SNTG2: variants seen among roughly 807,000 people sequenced by gnomAD.
SNTG2 encodes syntrophin gamma 2.
SNTG2 carries 74 observed loss-of-function variants against 70.9 expected under a neutral mutation model. The ratio of observed to expected loss-of-function variants is 1.04; its 90% CI spans 0.86 to 1.27. The LOEUF is 1.27. Ranked by LOEUF, SNTG2 falls within the 50% of genes most tolerant of loss-of-function variation. The probability of loss-of-function intolerance (pLI) is 0.00; values close to 1 mark genes in which losing one functional copy is unlikely to be tolerated. For synonymous variants in SNTG2, 278 were observed against 273.8 expected (o/e 1.02, Z -0.15); for missense variants, 717 against 690.7 (o/e 1.04, Z -0.43).
chr2:969,954 G>T (rs1251280918), intron 1 of SNTG2, among the ~76,000 whole-genome samples: 2 of 152,140 alleles, frequency 1.3e-5, no homozygotes, highest in Non-Finnish European at 2.9e-5. Context: ...TTCTCCAGGG[G>T]AACTTCCAGC....
At chr2:1,162,891 T>C (rs1670421988) in intron 6 of SNTG2, among the ~76,000 whole-genome samples, 1 of 152,216 alleles carries the variant, frequency 6.6e-6, no homozygotes. Flanking sequence ...CAGCAGCCTG[T>C]ATGAAGACAG....
At chr2:957,294 G>T (rs537744546) in intron 1 of SNTG2, among the ~76,000 whole-genome samples, 34 of 152,222 alleles carry the variant, frequency 2.2e-4, no homozygotes, top group African/African-American at 8.2e-4. Context: ...TACCTCCTCA[G>T]AAACACTAGA....
At chr2:1,275,222 C>G (rs769764471) in intron 14 of SNTG2, among the ~76,000 whole-genome samples, 2 of 152,224 alleles carry the variant, frequency 1.3e-5, no homozygotes, top group Non-Finnish European at 2.9e-5. Flanking sequence ...GCTCCACCTC[C>G]CAACATCCTT....
chr2:970,911 C>A (rs574758073), intron 1 of SNTG2, among the ~76,000 whole-genome samples: 1 of 152,308 alleles, frequency 6.6e-6, no homozygotes, highest in East Asian at 1.9e-4. Context: ...CTCACCATCA[C>A]TGGCCATCAG....
chr2:988,734 T>A (rs886921475), intron 1 of SNTG2, among the ~76,000 whole-genome samples: 12 of 152,192 alleles, frequency 7.9e-5, no homozygotes, highest in Admixed American at 2.6e-4. Flanking sequence ...ATGGGATTTT[T>A]TTTTTTGCAT....
intron 14 of SNTG2, among the ~76,000 whole-genome samples, chr2:1,282,635 G>A (rs1210525658): frequency 1.4e-5 from 2 of 147,476 alleles, no homozygotes; most frequent in Non-Finnish European, 3.0e-5. Context: ...CGCCTCCCCC[G>A]CACAGCGCGT....
chr2:1,001,389 C>T (rs1371316291), intron 1 of SNTG2, among the ~76,000 whole-genome samples: 4 of 152,012 alleles, frequency 2.6e-5, no homozygotes, highest in African/African-American at 9.7e-5. Flanking sequence ...TTTCAAAAGA[C>T]TCCTATATTT....
chr2:1,216,482 A>G (rs1674401637), intron 9 of SNTG2, among the ~76,000 whole-genome samples: 1 of 152,092 alleles, frequency 6.6e-6, no homozygotes, highest in African/African-American at 2.4e-5. Flanking sequence ...TAGATTGCAA[A>G]AATTTTCTCC....
At chr2:1,079,718 C>G (rs549642317) in intron 1 of SNTG2, among the ~76,000 whole-genome samples, 1 of 152,110 alleles carries the variant, frequency 6.6e-6, no homozygotes, top group Non-Finnish European at 1.5e-5. Context: ...TTCCTAGATC[C>G]CTGGGTTGCA....
At chr2:1,225,146 G>T (rs545988911) in intron 9 of SNTG2, among the ~76,000 whole-genome samples, 2 of 152,276 alleles carry the variant, frequency 1.3e-5, no homozygotes, top group South Asian at 2.1e-4. Flanking sequence ...TGGGAAAATT[G>T]GTGAATCTAC....
chr2:1,200,948 G>T (rs2147967756), intron 8 of SNTG2, among the ~76,000 whole-genome samples: 1 of 152,128 alleles, frequency 6.6e-6, no homozygotes, highest in African/African-American at 2.4e-5. Flanking sequence ...ACTGTTTTTA[G>T]AAATGTACGT....
intron 12 of SNTG2, among the ~76,000 whole-genome samples, chr2:1,250,991 A>G (rs1223606188): frequency 6.6e-6 from 1 of 152,244 alleles, no homozygotes; most frequent in Non-Finnish European, 1.5e-5. Flanking sequence ...TCTGCAGAAG[A>G]TGACTTGGCA....
intron 1 of SNTG2, chr2:1,059,064 A>G (rs376906904): frequency 6.6e-6 from 1 of 152,298 alleles, no homozygotes; most frequent in Non-Finnish European, 1.5e-5. Context: ...TTGCTGCTTC[A>G]GTAGAAAAAC....
At chr2:1,220,540 C>T (rs974287719) in intron 9 of SNTG2, among the ~76,000 whole-genome samples, 1 of 152,224 alleles carries the variant, frequency 6.6e-6, no homozygotes, top group Admixed American at 6.5e-5. Context: ...CTGTGTTTTT[C>T]AGAGGAACCC....
intron 1 of SNTG2, among the ~76,000 whole-genome samples, chr2:1,040,000 G>A (rs1011691072): frequency 2.0e-5 from 3 of 152,208 alleles, no homozygotes; most frequent in African/African-American, 7.2e-5. Context: ...AGTTGAAAGA[G>A]AAGGTCTCTG....
At chr2:963,518 G>A (rs1415396555) in intron 1 of SNTG2, among the ~76,000 whole-genome samples, 1 of 152,074 alleles carries the variant, frequency 6.6e-6, no homozygotes, top group Non-Finnish European at 1.5e-5. Flanking sequence ...TTTGGTATAC[G>A]TGTACCCAAA....
At chr2:956,453 C>T (rs1428329777) in intron 1 of SNTG2, among the ~76,000 whole-genome samples, 10 of 152,212 alleles carry the variant, frequency 6.6e-5, no homozygotes, top group Admixed American at 2.6e-4. Context: ...TGGTTGGGCA[C>T]GTGGAGCGCT....
chr2:1,272,342 G>A (rs181924148), intron 14 of SNTG2, among the ~76,000 whole-genome samples: 5 of 150,594 alleles, frequency 3.3e-5, no homozygotes, highest in East Asian at 3.9e-4. Flanking sequence ...TAGGGTTCCC[G>A]CTCCTGTGAG....
At chr2:955,321 C>G (rs1290482330) in intron 1 of SNTG2, among the ~76,000 whole-genome samples, 1 of 152,248 alleles carries the variant, frequency 6.6e-6, no homozygotes, top group African/African-American at 2.4e-5. Flanking sequence ...TTTGGGTGAA[C>G]ATCATTTGAT....
Sources: gnomAD v4.1 joint callset for allele counts (sites outside exome capture counted in the v4.1 genomes callset) on GRCh38, gnomAD v4.1.1 for gene constraint, MANE v1.5 for transcripts, NCBI Gene and HGNC (gene_info 2026-07-23, HGNC 2026-07-21) for gene names.